The following AFG1L variants were observed in gnomAD, a reference collection of about 807,000 sequenced individuals.
The protein encoded by AFG1L is AFG1-like ATPase.
Under a neutral mutation model 62.2 loss-of-function variants are expected in AFG1L, and 53 were observed. The ratio of observed to expected loss-of-function variants is 0.85; its 90% CI spans 0.68 to 1.07. AFG1L has a LOEUF of 1.07. AFG1L is among the 50% of genes least tolerant of loss of function. The pLI is 0.00. For missense variants in AFG1L, 555 were observed against 590.5 expected, an observed-to-expected ratio of 0.94 and a Z score of 0.62; for synonymous variants, 228 against 210.3, an observed-to-expected ratio of 1.08 and a Z score of -0.73.
At chr6:108,321,795 A>G (rs144905823) in intron 1 of AFG1L, among the ~76,000 whole-genome samples, 64 of 152,302 alleles carry the variant, frequency 4.2e-4, no homozygotes, top group African/African-American at 1.5e-3. Flanking sequence ...GCCTTAAGCA[A>G]CTATATCAGT....
At chr6:108,462,457 A>G (rs1255013682) in intron 8 of AFG1L, among the ~76,000 whole-genome samples, 1 of 152,204 alleles carries the variant, frequency 6.6e-6, no homozygotes, top group Non-Finnish European at 1.5e-5. Context: ...CATTTGGTAT[A>G]ATTTAGATGT....
chr6:108,395,021 A>G (rs1781227765), intron 6 of AFG1L, among the ~76,000 whole-genome samples: 1 of 152,182 alleles, frequency 6.6e-6, no homozygotes. Flanking sequence ...GGGAAGAAAA[A>G]AATCTCATTT....
At chr6:108,501,964 C>A (rs1303679711) in intron 10 of AFG1L, among the ~76,000 whole-genome samples, 2 of 152,324 alleles carry the variant, frequency 1.3e-5, no homozygotes, top group East Asian at 3.9e-4. Context: ...AAAATGCTAA[C>A]AACTATTTGA....
intron 8 of AFG1L, among the ~76,000 whole-genome samples, chr6:108,450,181 A>T (rs753722529): frequency 2.0e-5 from 3 of 152,200 alleles, no homozygotes; most frequent in African/African-American, 7.2e-5. Context: ...CGCCACACTG[A>T]CTTCCACAAT....
Position 108,507,639 on chromosome 6 carries a change from A to T in AFG1L, c.1063-2573A>T, listed in dbSNP as rs148414012. Among the ~76,000 whole-genome samples, 405 of 152,312 alleles carry T rather than the reference A, an allele frequency of 2.7e-3. 1 individual carries two copies. The highest frequency in any genetic ancestry group is 8.8e-3 in the African/African-American group (367 of 41,560). ...CCATGCATAACGAGTGAGCTTAATT[A>T]TACATAACTACATACATAATATGAG... On this transcript the variant is annotated intron_variant, in intron 10 of 12. Transcript: ENST00000368977.
chr6:108,418,177 A>G (rs987954549), intron 7 of AFG1L, among the ~76,000 whole-genome samples: 1 of 152,232 alleles, frequency 6.6e-6, no homozygotes, highest in African/African-American at 2.4e-5. Flanking sequence ...TACCCTCTGC[A>G]CTGAAAGTAT....
At chr6:108,394,462 T>TTA (rs1554192935) in intron 6 of AFG1L, among the ~76,000 whole-genome samples, 2 of 151,890 alleles carry the variant, frequency 1.3e-5, no homozygotes, top group Non-Finnish European at 2.9e-5. Flanking sequence ...CCGTTTTTTT[T>TTA]ATCTGTCACT....
intron 7 of AFG1L, among the ~76,000 whole-genome samples, chr6:108,422,239 A>G (rs1239440266): frequency 2.0e-5 from 3 of 151,860 alleles, no homozygotes; most frequent in African/African-American, 7.3e-5. Flanking sequence ...CAGAATAGTT[A>G]ATTTGTCCGA....
intron 3 of AFG1L, among the ~76,000 whole-genome samples, chr6:108,349,999 G>A (rs1374879401): frequency 4.0e-5 from 6 of 151,864 alleles, no homozygotes; most frequent in African/African-American, 7.3e-5. Flanking sequence ...TGAGGGGGGC[G>A]GGTCATTGAG....
intron 7 of AFG1L, among the ~76,000 whole-genome samples, chr6:108,431,185 C>A (rs1771055514): frequency 1.3e-5 from 2 of 151,814 alleles, no homozygotes; most frequent in Non-Finnish European, 2.9e-5. Flanking sequence ...CTCACTGCAA[C>A]CTCCGCCTCC....
intron 11 of AFG1L, among the ~76,000 whole-genome samples, chr6:108,518,292 G>A (rs1410352058): frequency 2.0e-5 from 3 of 152,188 alleles, no homozygotes; most frequent in Admixed American, 6.5e-5. Context: ...AGAAAATGTG[G>A]CACATGTACA....
intron 2 of AFG1L, among the ~76,000 whole-genome samples, chr6:108,325,686 A>C (rs1367281199): frequency 3.3e-5 from 5 of 151,882 alleles, no homozygotes; most frequent in African/African-American, 1.2e-4. Context: ...GGGTTTCACC[A>C]TGTTTGTCAG....
intron 2 of AFG1L, among the ~76,000 whole-genome samples, chr6:108,345,195 A>G (rs1057340307): frequency 6.6e-6 from 1 of 152,188 alleles, no homozygotes; most frequent in African/African-American, 2.4e-5. Context: ...ATTGTTGCCC[A>G]GGCTAGTCTC....
intron 1 of AFG1L, among the ~76,000 whole-genome samples, chr6:108,323,135 C>T (rs762400504): frequency 1.3e-5 from 2 of 152,142 alleles, no homozygotes; most frequent in Admixed American, 6.6e-5. Flanking sequence ...CTAGTCTTCA[C>T]GTCTTTGTCT....
At chr6:108,417,911 G>A (rs922054044) in intron 7 of AFG1L, among the ~76,000 whole-genome samples, 1 of 152,064 alleles carries the variant, frequency 6.6e-6, no homozygotes, top group Non-Finnish European at 1.5e-5. Flanking sequence ...TCGGCTCACT[G>A]CAAGCTCCAC....
intron 11 of AFG1L, among the ~76,000 whole-genome samples, chr6:108,511,102 A>AAAGAAGAAG (rs1027400723): frequency 6.6e-6 from 1 of 150,810 alleles, no homozygotes; most frequent in African/African-American, 2.4e-5. Flanking sequence ...AAAAAAAAAA[A>AAAGAAGAAG]AAGAAGAAGA....
chr6:108,482,704 A>C (rs543257079), intron 10 of AFG1L, among the ~76,000 whole-genome samples: 3 of 152,116 alleles, frequency 2.0e-5, no homozygotes, highest in Non-Finnish European at 4.4e-5. Context: ...AGGTATTTGT[A>C]AAATGTCTCC....
Position 108,353,499 on chromosome 6 carries a change from T to C in AFG1L, c.416-2155T>C, listed in dbSNP as rs951280. Among the ~76,000 whole-genome samples, 774 of 152,214 alleles carry C rather than the reference T, an allele frequency of 5.1e-3. 3 individuals are homozygous for C. Among genetic ancestry groups the C allele is most frequent in the African/African-American group, 0.018 (748 of 41,546 alleles). ...AGAACTGCCATACTGTTTTCCACAG[T>C]GACAGTACCATTGTTATTCTCACCA... On this transcript the variant is annotated intron_variant, in intron 3 of 12. Coordinates refer to ENST00000368977, the MANE Select transcript of AFG1L (RefSeq NM_145315.5).
chr6:108,507,565 C>T (rs1229803309), intron 10 of AFG1L, among the ~76,000 whole-genome samples: 1 of 152,196 alleles, frequency 6.6e-6, no homozygotes, highest in African/African-American at 2.4e-5. Flanking sequence ...CAGTGCACTT[C>T]TGATAATGAT....
Sources: allele counts gnomAD v4.1 joint callset (sites outside exome capture counted in the v4.1 genomes callset), GRCh38; gene constraint gnomAD v4.1.1; transcripts MANE v1.5; gene names NCBI Gene and HGNC (gene_info 2026-07-23, HGNC 2026-07-21).